Variants in KAZN observed in about 807,000 individuals in gnomAD.
The protein encoded by KAZN is kazrin.
KAZN carries 40 observed loss-of-function variants against 87.4 expected under a neutral mutation model. That is an observed-to-expected ratio of 0.46 (90% CI 0.36 to 0.60). KAZN has a LOEUF of 0.60. Among genes scored for constraint, KAZN ranks in the 20% least tolerant of loss-of-function variants. KAZN has a pLI of 0.00. For synonymous variants in KAZN, 466 were observed against 458.3 expected (o/e 1.02, Z -0.22); for missense variants, 898 against 1,073.9 (o/e 0.84, Z 2.29).
chr1:14,907,328 G>A (rs2101343820), intron 1 of KAZN, among the ~76,000 whole-genome samples: 2 of 151,808 alleles, frequency 1.3e-5, no homozygotes, highest in South Asian at 4.2e-4. Flanking sequence ...CTTGAACCCA[G>A]GAGATGGAGG....
At chr1:14,278,926 CTTTTTTTT>C (rs77998358) in intron 2 of KAZN, among the ~76,000 whole-genome samples, 9 of 97,744 alleles carry the variant, frequency 9.2e-5, no homozygotes, top group Middle Eastern at 7.6e-3. Flanking sequence ...TCAAATTCAG[CTTTTTTTT>C]TTTTTTTTTT....
At chr1:13,938,824 C>T (rs1640834711) in intron 1 of KAZN, among the ~76,000 whole-genome samples, 2 of 152,250 alleles carry the variant, frequency 1.3e-5, no homozygotes, top group Admixed American at 6.5e-5. Context: ...GCAGGCTTAA[C>T]ACCATGTGGA....
chr1:14,018,567 G>T lies in KAZN; in HGVS notation c.91+124811G>T, dbSNP rs193178711. ...TGAAGCACTGCCTTTGGGTGTGTCT[G>T]TGCGGGTGTTTTCAGAGGAGATTGG... On this transcript the variant is annotated intron_variant, in intron 1 of 16. Coordinates refer to the KAZN transcript ENST00000636203. 2.5e-3 allele frequency among the ~76,000 whole-genome samples: 383 copies of T among 152,314 alleles called. 5 individuals carry two copies. Among genetic ancestry groups the T allele is most frequent in the South Asian group, 3.3e-3 (16 of 4,826 alleles).
intron 2 of KAZN, among the ~76,000 whole-genome samples, chr1:15,031,966 T>C (rs1671755276): frequency 6.6e-6 from 1 of 152,046 alleles, no homozygotes; most frequent in South Asian, 2.1e-4. Flanking sequence ...ACCATGCAGT[T>C]CACCCATTTT....
intron 1 of KAZN, among the ~76,000 whole-genome samples, chr1:14,899,786 C>T (rs897206222): frequency 7.9e-5 from 12 of 152,184 alleles, no homozygotes; most frequent in African/African-American, 2.9e-4. Context: ...GCCACCTCCG[C>T]TCCCTCGGGG....
At chr1:14,180,923 T>TA (rs1156299883) in intron 2 of KAZN, among the ~76,000 whole-genome samples, 1 of 152,048 alleles carries the variant, frequency 6.6e-6, no homozygotes, top group African/African-American at 2.4e-5. Flanking sequence ...GGCTTTGGAG[T>TA]AGAGCAAATA....
At chr1:14,374,355 G>C (rs957390588) in intron 2 of KAZN, among the ~76,000 whole-genome samples, 16 of 152,108 alleles carry the variant, frequency 1.1e-4, no homozygotes, top group Non-Finnish European at 2.2e-4. Flanking sequence ...CTGAATGAAC[G>C]AATGTTTGGG....
At chr1:13,967,666 T>G (rs111406450) in intron 1 of KAZN, among the ~76,000 whole-genome samples, 1,693 of 152,178 alleles carry the variant, frequency 0.011, 33 homozygotes, top group African/African-American at 0.039. Flanking sequence ...TGTGACAGAG[T>G]AGGAGAAGTG....
intron 1 of KAZN, among the ~76,000 whole-genome samples, chr1:14,711,274 A>C (rs1642471548): frequency 6.6e-6 from 1 of 151,886 alleles, no homozygotes; most frequent in East Asian, 1.9e-4. Flanking sequence ...TGGGAGGCTG[A>C]GGCAGCAGGA....
intron 1 of KAZN, among the ~76,000 whole-genome samples, chr1:14,022,620 A>G (rs920243498): frequency 6.6e-6 from 1 of 151,944 alleles, no homozygotes; most frequent in Non-Finnish European, 1.5e-5. Flanking sequence ...TATATATAAT[A>G]TTCTGTTTGT....
intron 1 of KAZN, among the ~76,000 whole-genome samples, chr1:14,944,747 C>T (rs1174338239): frequency 6.6e-6 from 1 of 152,216 alleles, no homozygotes; most frequent in Non-Finnish European, 1.5e-5. Context: ...TCTTCCCAGG[C>T]AGCTGGGATG....
At chr1:14,069,174 G>A (rs1321541710) in intron 1 of KAZN, among the ~76,000 whole-genome samples, 1 of 152,168 alleles carries the variant, frequency 6.6e-6, no homozygotes, top group Admixed American at 6.5e-5. Flanking sequence ...AGCTAATATG[G>A]GTAAAGAGAG....
intron 2 of KAZN, among the ~76,000 whole-genome samples, chr1:15,022,585 G>A (rs890145671): frequency 2.0e-5 from 3 of 152,126 alleles, no homozygotes; most frequent in African/African-American, 7.2e-5. Context: ...ACTCACTCAG[G>A]TCAGCAGTCA....
chr1:15,095,608 C>T (rs1194196536), intron 10 of KAZN, among the ~76,000 whole-genome samples: 1 of 150,624 alleles, frequency 6.6e-6, no homozygotes, highest in Admixed American at 6.6e-5. Flanking sequence ...CCCACCCCCA[C>T]CCCGCCCCAC....
intron 1 of KAZN, among the ~76,000 whole-genome samples, chr1:14,139,852 C>G (rs561560801): frequency 1.6e-4 from 24 of 151,852 alleles, no homozygotes; most frequent in African/African-American, 5.6e-4. Context: ...TCTTTATGGT[C>G]AAATAGGCTT....
At chr1:14,910,379 C>T (rs1298402495) in intron 1 of KAZN, among the ~76,000 whole-genome samples, 2 of 152,182 alleles carry the variant, frequency 1.3e-5, no homozygotes, top group African/African-American at 2.4e-5. Flanking sequence ...TGGCCTGGGG[C>T]CCTTGGTGTC....
At chr1:14,442,315 T>C (rs1666750267) in intron 2 of KAZN, among the ~76,000 whole-genome samples, 1 of 152,252 alleles carries the variant, frequency 6.6e-6, no homozygotes, top group Non-Finnish European at 1.5e-5. Context: ...GATATGCTAA[T>C]TGGACACAAA....
intron 1 of KAZN, among the ~76,000 whole-genome samples, chr1:13,935,818 A>G (rs1640706652): frequency 6.6e-6 from 1 of 151,716 alleles, no homozygotes; most frequent in Non-Finnish European, 1.5e-5. Flanking sequence ...TCTGAGCCCC[A>G]GATTTCCCAT....
chr1:14,101,863 T>C (rs904914423), intron 1 of KAZN, among the ~76,000 whole-genome samples: 1 of 152,182 alleles, frequency 6.6e-6, no homozygotes, highest in East Asian at 1.9e-4. Flanking sequence ...TTTTTCCAAA[T>C]AGTGCAAACC....
Sources: allele counts gnomAD v4.1 joint callset (sites outside exome capture counted in the v4.1 genomes callset), GRCh38; gene constraint gnomAD v4.1.1; transcripts MANE v1.5; gene names NCBI Gene and HGNC (gene_info 2026-07-23, HGNC 2026-07-21).